The following PLCL1 variants were observed in gnomAD, a reference collection of about 807,000 sequenced individuals.
The protein encoded by PLCL1 is inactive phospholipase C-like protein 1.
In PLCL1, 41 loss-of-function variants were observed where a neutral mutation model predicts 84.4. That is an observed-to-expected ratio of 0.49 (90% confidence interval 0.38 to 0.63). The LOEUF (loss-of-function observed/expected upper bound fraction) is 0.63. PLCL1 is among the 30% of genes least tolerant of loss of function. The pLI, the probability that PLCL1 is intolerant of heterozygous loss-of-function variation, is 0.00. For synonymous variants in PLCL1, 490 were observed against 488.3 expected, an observed-to-expected ratio of 1.00 and a Z score of -0.05; for missense variants, 1,206 against 1,367.8, an observed-to-expected ratio of 0.88 and a Z score of 1.87.
intron 1 of PLCL1, among the ~76,000 whole-genome samples, chr2:197,958,904 GTGCACTAATCTGTAT>G (rs1252153855): frequency 9.0e-6 from 1 of 111,240 alleles, no homozygotes; most frequent in Non-Finnish European, 1.9e-5. Context: ...CTGTGCTCTT[GTGCACTAATCTGTAT>G]TGCCTCTTAA....
chr2:198,142,582 T>G (rs1246843462), intron 5 of PLCL1, among the ~76,000 whole-genome samples: 1 of 152,208 alleles, frequency 6.6e-6, no homozygotes, highest in African/African-American at 2.4e-5. Context: ...TCAGAATTTC[T>G]ATAATGATCT....
At chr2:198,055,181 C>A (rs1210478437) in intron 1 of PLCL1, among the ~76,000 whole-genome samples, 1 of 151,786 alleles carries the variant, frequency 6.6e-6, no homozygotes, top group Non-Finnish European at 1.5e-5. Context: ...CTGCATTCTG[C>A]AAATATAACG....
intron 1 of PLCL1, among the ~76,000 whole-genome samples, chr2:197,962,158 C>T (rs1023071413): frequency 3.3e-5 from 5 of 151,998 alleles, no homozygotes. Flanking sequence ...CATCTCTAAA[C>T]ACAAAAGGAA....
At chr2:197,876,112 A>G (rs1345886750) in intron 1 of PLCL1, among the ~76,000 whole-genome samples, 1 of 152,224 alleles carries the variant, frequency 6.6e-6, no homozygotes, top group African/African-American at 2.4e-5. Flanking sequence ...ATTTGTATCT[A>G]AGAAGTATGG....
chr2:198,063,988 T>C (rs1461391911), intron 1 of PLCL1, among the ~76,000 whole-genome samples: 2 of 152,184 alleles, frequency 1.3e-5, no homozygotes, highest in Non-Finnish European at 2.9e-5. Flanking sequence ...TCTGTTGCCA[T>C]AGGAATGTTC....
chr2:197,871,730 C>T (rs1464083500), intron 1 of PLCL1, among the ~76,000 whole-genome samples: 1 of 152,002 alleles, frequency 6.6e-6, no homozygotes, highest in Non-Finnish European at 1.5e-5. Context: ...AACAAAATAC[C>T]ACCTAAATTA....
At chr2:198,025,941 T>A (rs942250172) in intron 1 of PLCL1, among the ~76,000 whole-genome samples, 1 of 152,326 alleles carries the variant, frequency 6.6e-6, no homozygotes, top group East Asian at 1.9e-4. Context: ...GAGATTTTGT[T>A]CAAAATGAAA....
chr2:197,824,047 T>C (rs1690875513), intron 1 of PLCL1, among the ~76,000 whole-genome samples: 1 of 152,092 alleles, frequency 6.6e-6, no homozygotes, highest in African/African-American at 2.4e-5. Context: ...AATTTGACAC[T>C]ATATTGTGTC....
rs1290524555 is a variant in PLCL1 at position 198,086,183 on chromosome 2, T to C, written c.2666T>C (p.Ile889Thr). ...AAAACCATTGATGACATCTTTAAAA[T>C]AGCGGTTCATCCATTACGAGAAGCC... is the stretch of plus-strand genomic sequence containing the variant. The part of the protein sequence containing the change: ...GLKTIDDIFK[I>T]AVHPLREAID... Residue 889 changes from isoleucine (I) to threonine (T), a missense_variant, in exon 2 of 6, where the codon ATA (isoleucine) becomes ACA (threonine). By Grantham distance (89) the Ile-to-Thr change is moderately conservative (BLOSUM62 -1). Transcript: ENST00000428675. 1 of 1,613,742 alleles carries C rather than the reference T, an allele frequency of 6.2e-7. No individual in the cohort carries two copies. The highest frequency in any genetic ancestry group is 1.3e-5 in the African/African-American group (1 of 74,896).
At chr2:197,810,906 A>G (rs939744258) in intron 1 of PLCL1, among the ~76,000 whole-genome samples, 7 of 149,878 alleles carry the variant, frequency 4.7e-5, no homozygotes, top group Non-Finnish European at 7.5e-5. Context: ...GACCAGACAG[A>G]GCTAAGAGGC....
chr2:198,143,208 C>A (rs896086078), intron 5 of PLCL1, among the ~76,000 whole-genome samples: 2 of 152,088 alleles, frequency 1.3e-5, no homozygotes, highest in Non-Finnish European at 2.9e-5. Flanking sequence ...ACTGGATCAA[C>A]CTCAGATCAA....
intron 1 of PLCL1, among the ~76,000 whole-genome samples, chr2:197,909,411 A>G (rs1427914638): frequency 2.0e-5 from 3 of 151,864 alleles, no homozygotes; most frequent in Non-Finnish European, 4.4e-5. Flanking sequence ...GCTCCAACAT[A>G]GAGGACTGGC....
At chr2:198,138,137 C>T (rs559449059) in intron 5 of PLCL1, among the ~76,000 whole-genome samples, 6 of 152,276 alleles carry the variant, frequency 3.9e-5, no homozygotes, top group Admixed American at 1.3e-4. Context: ...TAAAGAACTA[C>T]GTGAAACTGG....
At chr2:198,043,073 G>A (rs1378231355) in intron 1 of PLCL1, among the ~76,000 whole-genome samples, 1 of 152,154 alleles carries the variant, frequency 6.6e-6, no homozygotes, top group Non-Finnish European at 1.5e-5. Context: ...GGAAGGGAAG[G>A]GAGTCCAAGA....
intron 1 of PLCL1, among the ~76,000 whole-genome samples, chr2:197,851,571 T>C (rs115886992): frequency 0.024 from 3,672 of 152,294 alleles, 60 homozygotes; most frequent in Non-Finnish European, 0.037. Context: ...ACTTTCCCAA[T>C]GACACCTAAA....
rs564423395 is a variant in PLCL1, at chr2:198,136,592, G to A, written c.3106-10188G>A. Among the ~76,000 whole-genome samples, 87 of 152,130 alleles carry A rather than the reference G, an allele frequency of 5.7e-4. 2 individuals carry two copies. Among genetic ancestry groups the A allele is most frequent in the Admixed American group, 5.6e-3 (85 of 15,264 alleles). On this transcript the variant is annotated intron_variant, in intron 5 of 5. Transcript: ENST00000428675. ...CTTCATCACTCCTGGGGTTCCACTC[G>A]TCAGCTAGTGTGTTCTGCCATCTTG...
intron 1 of PLCL1, among the ~76,000 whole-genome samples, chr2:198,045,271 C>A (rs1691759943): frequency 6.6e-6 from 1 of 151,946 alleles, no homozygotes; most frequent in African/African-American, 2.4e-5. Context: ...TATTATGTTT[C>A]CTAATGGAAC....
chr2:197,846,028 A>G (rs1481161324), intron 1 of PLCL1, among the ~76,000 whole-genome samples: 1 of 152,164 alleles, frequency 6.6e-6, no homozygotes, highest in Non-Finnish European at 1.5e-5. Flanking sequence ...TATTAAAAGA[A>G]CGAGGGTCTG....
At chr2:198,008,858 A>C (rs1021577126) in intron 1 of PLCL1, among the ~76,000 whole-genome samples, 51 of 151,956 alleles carry the variant, frequency 3.4e-4, no homozygotes, top group Non-Finnish European at 1.6e-4. Context: ...CATCTTCACC[A>C]ATGCTTGGTA....
Sources: gnomAD v4.1 joint callset for allele counts (sites outside exome capture counted in the v4.1 genomes callset) on GRCh38, gnomAD v4.1.1 for gene constraint, MANE v1.5 for transcripts, NCBI Gene and HGNC (gene_info 2026-07-23, HGNC 2026-07-21) for gene names.